Variants in PCDHA6 observed in about 807,000 individuals in gnomAD.
PCDHA6 encodes the protein protocadherin alpha 6, also known as protocadherin alpha-6.
PCDHA6 carries 55 observed loss-of-function variants against 60.3 expected under a neutral mutation model. The ratio of observed to expected loss-of-function variants is 0.91; its 90% CI spans 0.73 to 1.14. PCDHA6 has a LOEUF of 1.14. Ranked by LOEUF, PCDHA6 falls within the 50% of genes most tolerant of loss-of-function variation. PCDHA6 has a pLI of 0.00. For missense variants in PCDHA6, 1,327 were observed against 1,256.5 expected, an observed-to-expected ratio of 1.06 and a Z score of -0.85; for synonymous variants, 652 against 557.9, an observed-to-expected ratio of 1.17 and a Z score of -2.38.
intron 1 of PCDHA6, among the ~76,000 whole-genome samples, chr5:140,919,535 ACTTTT>A (rs1310340464): frequency 1.3e-5 from 2 of 151,732 alleles, no homozygotes; most frequent in Non-Finnish European, 2.9e-5. Flanking sequence ...TTTTTCCTAT[ACTTTT>A]CATTTACTGA....
Position 140,842,897 on chromosome 5 carries a change from G to A in PCDHA6, c.2394+12412G>A. On this transcript the variant is annotated intron_variant, in intron 1 of 3. Transcript: ENST00000529310. ...GTACGCGCTGCAGCCGCTGGACCAC[G>A]AGGAGCTAGAGCTGCTGCAGTTCCA... The A allele has an allele frequency of 1.3e-6, 2 of 1,594,388 alleles. No homozygotes were observed. Among genetic ancestry groups the A allele is most frequent in the Non-Finnish European group, 1.7e-6 (2 of 1,165,484 alleles).
At chr5:140,856,568 A>C in intron 1 of PCDHA6, 1 of 1,597,928 alleles carries the variant, frequency 6.3e-7, no homozygotes, top group Non-Finnish European at 8.6e-7. Flanking sequence ...ACTCAGTCCA[A>C]ATGAGTATTT....
chr5:140,960,331 A>G (rs1157705398), intron 1 of PCDHA6, among the ~76,000 whole-genome samples: 1 of 152,230 alleles, frequency 6.6e-6, no homozygotes, highest in African/African-American at 2.4e-5. Flanking sequence ...TGTGAGAAGT[A>G]CATGAGGTGA....
intron 1 of PCDHA6, among the ~76,000 whole-genome samples, chr5:140,888,313 G>C (rs1434881975): frequency 6.6e-6 from 1 of 152,154 alleles, no homozygotes; most frequent in Non-Finnish European, 1.5e-5. Context: ...ATTTGGCAAT[G>C]CCTGGATACA....
intron 1 of PCDHA6, among the ~76,000 whole-genome samples, chr5:140,838,075 A>AGTGTG (rs781914509): frequency 3.7e-4 from 47 of 128,236 alleles, no homozygotes; most frequent in East Asian, 1.2e-3. Context: ...TTATATATAT[A>AGTGTG]TAGTGTGTGT....
At chr5:140,877,909 C>G in intron 1 of PCDHA6, 4 of 1,432,580 alleles carry the variant, frequency 2.8e-6, no homozygotes, top group Non-Finnish European at 3.7e-6. Context: ...TAACTACATT[C>G]TCTCATTTTT....
intron 1 of PCDHA6, chr5:140,884,203 C>G (rs554797854): frequency 6.2e-7 from 1 of 1,613,518 alleles, no homozygotes; most frequent in African/African-American, 1.3e-5. Context: ...CGCCGCACCA[C>G]CGCCTTCTGG....
chr5:140,850,629 G>C, intron 1 of PCDHA6: 1 of 1,598,736 alleles, frequency 6.3e-7, no homozygotes, highest in South Asian at 1.1e-5. Flanking sequence ...TAGCCTGTTG[G>C]TTCTCACGCT....
At chr5:140,979,052 G>T (rs2096833352) in intron 2 of PCDHA6, 45 bp downstream of exon 2, 1 of 1,609,668 alleles carries the variant, frequency 6.2e-7, no homozygotes, top group Non-Finnish European at 8.5e-7. Context: ...CCTTAACTTG[G>T]TATGGCTCAG....
At position 141,011,517 on chromosome 5, in the gene PCDHA6, T is replaced by C. The variant is rs1397450262; in HGVS notation, c.*1580T>C. 2.6e-5 allele frequency: 4 copies of C among 153,768 alleles called. No individual in the cohort carries two copies. The highest frequency in any genetic ancestry group is 5.9e-5 in the Non-Finnish European group (4 of 68,028). The allele number at this position is 153,768 out of a possible 1,614,324, so 9.5% of individuals were successfully genotyped here. On this transcript the variant is annotated 3_prime_UTR_variant, in exon 4 of 4. Transcript: ENST00000529310. Reference sequence around the variant, plus strand: ...ACCTGTGAAAAAGTGGAGTAGTGTTTTTTTAACCATTGTTAATCAGCTTTT... The same window carrying C: ...ACCTGTGAAAAAGTGGAGTAGTGTTCTTTTAACCATTGTTAATCAGCTTTT...
In PCDHA6 at chr5:140,849,253, A is replaced by G. The variant is rs2150433533; in HGVS notation, c.2394+18768A>G. 179 of 1,102,320 alleles carry G rather than the reference A, an allele frequency of 1.6e-4. 8 individuals carry two copies. Among genetic ancestry groups the G allele is most frequent in the Middle Eastern group, 1.5e-3 (5 of 3,306 alleles). The allele number at this position is 1,102,320 out of a possible 1,614,324, so 68.3% of individuals were successfully genotyped here. On this transcript the variant is annotated intron_variant, in intron 1 of 3. Coordinates refer to ENST00000529310, the MANE Select transcript of PCDHA6 (RefSeq NM_018909.4). ...ACCCTGTATACGGTGAAATTACCAG[A>G]AAACGTTTCTATCGGAACGCTGGTG...
intron 1 of PCDHA6, among the ~76,000 whole-genome samples, chr5:140,976,370 G>A (rs1392898202): frequency 6.6e-6 from 1 of 152,018 alleles, no homozygotes; most frequent in Non-Finnish European, 1.5e-5. Context: ...GGCCAACATG[G>A]TGAAACCCCA....
intron 1 of PCDHA6, among the ~76,000 whole-genome samples, chr5:140,845,178 C>A (rs1562424606): frequency 6.7e-6 from 1 of 149,120 alleles, no homozygotes; most frequent in Non-Finnish European, 1.5e-5. Context: ...CATTTTAGTC[C>A]TTTAAAAAAT....
intron 1 of PCDHA6, chr5:140,836,576 A>C (rs1554136097): frequency 1.2e-6 from 2 of 1,613,572 alleles, no homozygotes; most frequent in African/African-American, 1.3e-5. Flanking sequence ...CTGAGGGCGC[A>C]TGTAGTTTGG....
chr5:140,838,474 T>C (rs1775747534), intron 1 of PCDHA6, among the ~76,000 whole-genome samples: 1 of 151,866 alleles, frequency 6.6e-6, no homozygotes, highest in Admixed American at 6.6e-5. Flanking sequence ...CGCTTATTCC[T>C]TGTTTTTGAT....
chr5:140,866,304 A>G (rs898524631), intron 1 of PCDHA6: 16 of 152,138 alleles, frequency 1.1e-4, no homozygotes, highest in African/African-American at 3.6e-4. Flanking sequence ...AGATGTTGAT[A>G]TTATTATTTC....
intron 1 of PCDHA6, among the ~76,000 whole-genome samples, chr5:140,937,724 AAC>A (rs2091708035): frequency 6.6e-6 from 1 of 152,064 alleles, no homozygotes; most frequent in Non-Finnish European, 1.5e-5. Flanking sequence ...CATCCTGGCT[AAC>A]ACGGTGAAAC....
At chr5:140,979,408 GT>G (rs558051720) in intron 2 of PCDHA6, among the ~76,000 whole-genome samples, 17 of 147,706 alleles carry the variant, frequency 1.2e-4, no homozygotes, top group East Asian at 4.0e-4. Flanking sequence ...TGTCTACCTT[GT>G]TTTTTTTTTA....
chr5:140,897,214 G>A (rs1355389573), intron 1 of PCDHA6, among the ~76,000 whole-genome samples: 1 of 151,764 alleles, frequency 6.6e-6, no homozygotes, highest in Non-Finnish European at 1.5e-5. Flanking sequence ...TTAAGTTTTA[G>A]GGTACATGTG....
Sources: gnomAD v4.1 joint callset for allele counts (sites outside exome capture counted in the v4.1 genomes callset) on GRCh38, gnomAD v4.1.1 for gene constraint, MANE v1.5 for transcripts, NCBI Gene and HGNC (gene_info 2026-07-23, HGNC 2026-07-21) for gene names.